WDR5: variants seen among roughly 807,000 people sequenced by gnomAD.
WDR5 encodes the protein WD repeat-containing protein 5.
For missense variants in WDR5, 187 were observed against 416.9 expected, an observed-to-expected ratio of 0.45 and a Z score of 4.80; for synonymous variants, 144 against 161.6, an observed-to-expected ratio of 0.89 and a Z score of 0.83.
intron 1 of WDR5, among the ~76,000 whole-genome samples, chr9:134,139,549 G>T (rs1831766008): frequency 6.6e-6 from 1 of 152,142 alleles, no homozygotes; most frequent in Non-Finnish European, 1.5e-5. Flanking sequence ...CATTCTTACA[G>T]ACTTCTGGAT....
intron 8 of WDR5, 129 bp downstream of exon 8, chr9:134,148,472 C>T (rs568094866): frequency 2.6e-6 from 2 of 763,084 alleles, no homozygotes; most frequent in Admixed American, 4.9e-5. Flanking sequence ...AGCTTCTCTT[C>T]TGGCCACGCT....
intron 8 of WDR5, among the ~76,000 whole-genome samples, 180 bp from the exon 9 acceptor site, chr9:134,151,803 G>C (rs576850198): frequency 8.5e-5 from 13 of 152,086 alleles, no homozygotes; most frequent in Non-Finnish European, 1.5e-4. Context: ...ATGTTTGTAT[G>C]GACAGTGTTT....
At chr9:134,156,385 C>T (rs1489624319) in intron 12 of WDR5, 121 bp from the exon 13 acceptor site, 9 of 978,806 alleles carry the variant, frequency 9.2e-6, no homozygotes, top group African/African-American at 3.2e-5. Flanking sequence ...TTGAGTTCAG[C>T]GAGGCAGCCA....
chr9:134,139,073 T>C (rs1176583885), intron 1 of WDR5, among the ~76,000 whole-genome samples: 1 of 152,248 alleles, frequency 6.6e-6, no homozygotes, highest in Admixed American at 6.5e-5. Context: ...TGCAGTCTTT[T>C]TTCGTTCCCC....
In WDR5 at chr9:134,144,230, G is replaced by A. The variant is rs1300763137; in HGVS notation, c.528+1511G>A. Among the ~76,000 whole-genome samples, 4 of 152,224 alleles carry A rather than the reference G, an allele frequency of 2.6e-5. No homozygotes were observed. In the East Asian group the frequency reaches 5.8e-4, roughly 22 times the overall value. On this transcript the variant is annotated intron_variant, in intron 7 of 13. Coordinates refer to ENST00000358625, the MANE Select transcript of WDR5 (RefSeq NM_017588.3). ...GGCCCAGTGTCACTGCTGCGGGGAG[G>A]CCGTTTGCTGTGGGGATGGCACCAT...
intron 12 of WDR5, among the ~76,000 whole-genome samples, chr9:134,156,171 G>A (rs186529064): frequency 1.2e-3 from 177 of 152,374 alleles, no homozygotes; most frequent in African/African-American, 4.0e-3. Context: ...GTCTTAGACC[G>A]GGGTGACTCG....
rs1487383963 is a variant in WDR5 at position 134,157,387 on chromosome 9, C to T, written c.905-506C>T. ...CTGACCTCCCTGCTTGGGTGGTGGA[C>T]TTGTCCTTGCTGTGACAGAGCCAGC... On this transcript the variant is annotated intron_variant, in intron 13 of 13. Transcript: ENST00000358625. The surrounding 1 kb of genome is among the most constrained non-coding windows in gnomAD (Gnocchi z 5.0). Among the ~76,000 whole-genome samples the T allele has an allele frequency of 1.3e-5, 2 of 152,164 alleles. No homozygotes were observed. The highest frequency in any genetic ancestry group is 2.9e-5 in the Non-Finnish European group (2 of 68,034).
intron 7 of WDR5, among the ~76,000 whole-genome samples, chr9:134,148,024 G>A (rs1466544695): frequency 6.6e-6 from 1 of 152,042 alleles, no homozygotes; most frequent in Admixed American, 6.6e-5. Context: ...TTAGCTGGGC[G>A]TGGTGGTGCA....
Position 134,141,929 on chromosome 9 carries a change from C to T in WDR5, c.265-20C>T. On this transcript the variant is annotated intron_variant, in intron 4 of 13. Coordinates refer to ENST00000358625, the MANE Select transcript of WDR5 (RefSeq NM_017588.3). The stretch of plus-strand genomic sequence containing the variant: ...CTATTTTGTCCTGTCAAGTTACTGA[C>T]CCTGTTTTTTCTCCCCAAGGGAATA... The T allele has an allele frequency of 6.2e-7, 1 of 1,611,396 alleles. No homozygotes were observed. Among genetic ancestry groups the T allele is most frequent in the Non-Finnish European group, 8.5e-7 (1 of 1,177,584 alleles).
chr9:134,150,860 T>TG (rs34110779), intron 8 of WDR5, among the ~76,000 whole-genome samples: 11,680 of 152,152 alleles, frequency 0.077, 920 homozygotes, highest in African/African-American at 0.2. Context: ...GAAAATGGAC[T>TG]TTTTTCTGTA....
intron 7 of WDR5, among the ~76,000 whole-genome samples, chr9:134,143,960 C>A (rs921507714): frequency 3.3e-5 from 5 of 152,234 alleles, no homozygotes; most frequent in African/African-American, 4.8e-5. Flanking sequence ...TTGGCCAATC[C>A]TGCCCTTCGT....
At chr9:134,136,763 C>T (rs557091979) in intron 1 of WDR5, among the ~76,000 whole-genome samples, 2 of 152,320 alleles carry the variant, frequency 1.3e-5, no homozygotes, top group East Asian at 3.9e-4. Flanking sequence ...CCTGGCCGGT[C>T]TGCGAGAGCC....
rs28425690 is a variant in WDR5, at chr9:134,157,426, C to T, written c.905-467C>T. Among the ~76,000 whole-genome samples the T allele has an allele frequency of 0.11, 17,415 of 152,116 alleles. 1,303 individuals carry two copies. The highest frequency in any genetic ancestry group is 0.22 in the South Asian group (1,046 of 4,812). On this transcript the variant is annotated intron_variant, in intron 13 of 13. Transcript: ENST00000358625. This position sits in a 1 kb window ranked among gnomAD's most constrained non-coding sequence, Gnocchi z 5.0. ...GACAGAGCCAGCCCTGTGGGGTGCT[C>T]TGGGGCTTAGCATTGGGGGGAGGCG... is the stretch of plus-strand genomic sequence containing the variant.
intron 8 of WDR5, among the ~76,000 whole-genome samples, chr9:134,151,674 A>G (rs1832494035): frequency 6.6e-6 from 1 of 152,114 alleles, no homozygotes; most frequent in African/African-American, 2.4e-5. Context: ...TTGGCCAGGG[A>G]GAGTGGAGAG....
At chr9:134,155,922 G>T (rs1832723280) in intron 12 of WDR5, among the ~76,000 whole-genome samples, 155 bp downstream of exon 12, 1 of 152,266 alleles carries the variant, frequency 6.6e-6, no homozygotes, top group African/African-American at 2.4e-5. Context: ...AAGTACCGGG[G>T]ACACCTTGTC....
At chr9:134,138,716 C>G (rs929238453) in intron 1 of WDR5, among the ~76,000 whole-genome samples, 5 of 152,216 alleles carry the variant, frequency 3.3e-5, no homozygotes, top group African/African-American at 1.2e-4. Flanking sequence ...CTGCCTTCCT[C>G]TTGGATGAAG....
chr9:134,156,464 C>T, intron 12 of WDR5, 42 bp from the exon 13 acceptor site: 11 of 1,591,004 alleles, frequency 6.9e-6, no homozygotes, highest in Non-Finnish European at 8.6e-6. Context: ...GAGCTCTGAC[C>T]TGCTTTTCCT....
In WDR5 at chr9:134,156,685, G is replaced by A. The variant is rs182453320; in HGVS notation, c.904+92G>A. ...CGTGGTGTGCCCGTAGGGTGCCGTC[G>A]TCTTCCCCTTCCCACCTCAGCCCTC... On this transcript the variant is annotated intron_variant, in intron 13 of 13. Transcript: ENST00000358625. 1.8e-4 allele frequency: 234 copies of A among 1,276,558 alleles called. 1 individual carries two copies. In the African/African-American group the frequency reaches 3.1e-3, roughly 17 times the overall value. 79.1% of individuals were successfully genotyped at this position (1,276,558 alleles called of 1,614,324 possible).
intron 8 of WDR5, among the ~76,000 whole-genome samples, chr9:134,148,601 G>A (rs562528254): frequency 8.5e-5 from 13 of 152,292 alleles, no homozygotes; most frequent in African/African-American, 2.4e-4. Context: ...TCCTCCATCA[G>A]ACTTCAGCTC....
Sources: gnomAD v4.1 joint callset for allele counts (sites outside exome capture counted in the v4.1 genomes callset) on GRCh38, gnomAD v4.1.1 for gene constraint, Gnocchi (gnomAD v3.1) non-coding constraint, MANE v1.5 for transcripts, NCBI Gene and HGNC (gene_info 2026-07-23, HGNC 2026-07-21) for gene names.